The following NUMA1 variants were observed in gnomAD, a reference collection of about 807,000 sequenced individuals.
The protein encoded by NUMA1 is SP-H antigen.
A neutral mutation model predicts 237.1 loss-of-function variants in NUMA1; 62 were observed. The ratio of observed to expected loss-of-function variants is 0.26; its 90% confidence interval spans 0.21 to 0.32. The LOEUF is 0.32. Among genes scored for constraint, NUMA1 ranks in the 10% least tolerant of loss-of-function variants. The probability of loss-of-function intolerance (pLI) is 1.00; values close to 1 mark genes in which losing one functional copy is unlikely to be tolerated. For synonymous variants in NUMA1, 1,028 were observed against 1,066.1 expected, an observed-to-expected ratio of 0.96 and a Z score of 0.70; for missense variants, 2,533 against 2,666.5, an observed-to-expected ratio of 0.95 and a Z score of 1.10.
intron 4 of NUMA1, among the ~76,000 whole-genome samples, chr11:72,025,675 G>C (rs1590957665): frequency 6.6e-6 from 1 of 152,214 alleles, no homozygotes; most frequent in South Asian, 2.1e-4. Context: ...GGCAGGCCCA[G>C]AACCTTCCAA....
At chr11:72,017,598 C>A in intron 13 of NUMA1, 89 bp downstream of exon 13, 1 of 1,512,866 alleles carries the variant, frequency 6.6e-7, no homozygotes, top group Non-Finnish European at 9.1e-7. Flanking sequence ...CAACTTAATA[C>A]CCAAAGGCCC....
At chr11:72,023,219 A>G in intron 5 of NUMA1, 72 bp from the exon 6 acceptor site, 1 of 1,124,332 alleles carries the variant, frequency 8.9e-7, no homozygotes, top group Non-Finnish European at 1.3e-6. Flanking sequence ...GAACACTGAA[A>G]TCTGGGGAGC....
At chr11:72,038,769 G>C (rs888931536) in intron 2 of NUMA1, among the ~76,000 whole-genome samples, 6 of 152,012 alleles carry the variant, frequency 3.9e-5, no homozygotes, top group African/African-American at 1.5e-4. Context: ...ACCCCAGCTG[G>C]ATCAGGCACC....
intron 2 of NUMA1, among the ~76,000 whole-genome samples, chr11:72,048,211 C>T (rs1942112503): frequency 2.0e-5 from 3 of 152,144 alleles, no homozygotes; most frequent in South Asian, 2.1e-4. Context: ...ATTCTTGTAC[C>T]TCAGCCTCCC....
intron 9 of NUMA1, 138 bp from the exon 10 acceptor site, chr11:72,019,118 G>A: frequency 1.2e-6 from 1 of 866,460 alleles, no homozygotes; most frequent in Non-Finnish European, 1.8e-6. Flanking sequence ...GTTGTTTGCA[G>A]TGCTACCTCA....
chr11:72,072,265 C>G (rs1943485723), intron 1 of NUMA1: 1 of 154,542 alleles, frequency 6.5e-6, no homozygotes, highest in Non-Finnish European at 1.5e-5. Flanking sequence ...CTCAGAGGAC[C>G]AAGAGTTGAG....
intron 2 of NUMA1, among the ~76,000 whole-genome samples, chr11:72,056,635 T>TAAAAAAAAAAAAAAAAAAAAAA (rs59248999): frequency 2.6e-5 from 2 of 76,010 alleles, no homozygotes; most frequent in Non-Finnish European, 4.7e-5. Context: ...CCCATCTCTT[T>TAAAAAAAAAAAAAAAAAAAAAA]AAAAAAAAAA....
chr11:72,004,848 A>C lies in NUMA1; in HGVS notation c.5830-32T>G, dbSNP rs768447015. On this transcript the variant is annotated intron_variant, in intron 23 of 26. Coordinates refer to ENST00000393695, the MANE Select transcript of NUMA1 (RefSeq NM_006185.4). Reference sequence around the variant, plus strand: ...GGGTGGAAGAGGTGGTCAGTGGACCATAGCTGTATGGAGATGGAGGAGGAC... The same window carrying C: ...GGGTGGAAGAGGTGGTCAGTGGACCCTAGCTGTATGGAGATGGAGGAGGAC... 3 of 1,534,440 alleles carry C rather than the reference A, an allele frequency of 2.0e-6. No homozygotes were observed. The African/African-American group carries it at 4.2e-5, about 21-fold the overall frequency.
intron 2 of NUMA1, among the ~76,000 whole-genome samples, chr11:72,057,031 A>G (rs1463817756): frequency 6.6e-6 from 1 of 152,184 alleles, no homozygotes; most frequent in African/African-American, 2.4e-5. Flanking sequence ...GATACTATCA[A>G]TTGTAAAATA....
At chr11:72,057,743 C>CA (rs541465932) in intron 2 of NUMA1, among the ~76,000 whole-genome samples, 27 of 128,826 alleles carry the variant, frequency 2.1e-4, no homozygotes, top group East Asian at 9.3e-4. Flanking sequence ...GACACCGTCT[C>CA]AAAAAAAAAC....
Position 72,015,429 on chromosome 11 carries a change from T to A in NUMA1, c.2074A>T (p.Arg692Trp), listed in dbSNP as rs750142039. 1.4e-5 allele frequency: 23 copies of A among 1,611,840 alleles called. No individual in the cohort carries two copies. Among genetic ancestry groups the A allele is most frequent in the Middle Eastern group, 1.6e-4 (1 of 6,084 alleles). The change falls in exon 15 of 27, where the codon AGG becomes TGG. Residue 692 changes from arginine to tryptophan, a missense_variant. Transcript: ENST00000393695. This position sits in a 1 kb window ranked among gnomAD's most constrained non-coding sequence, Gnocchi z 4.0. ...AGCTGGTCCTTCTCCTGGGCCACCC[T>A]TTCTTTCTCAGTTGCTTTTTGCTGC... ...SEQQKATEKE[R>W]VAQEKDQLQE...
At chr11:72,038,799 C>T (rs1449592642) in intron 2 of NUMA1, among the ~76,000 whole-genome samples, 1 of 152,008 alleles carries the variant, frequency 6.6e-6, no homozygotes, top group South Asian at 2.1e-4. Context: ...CCCCACAACC[C>T]TCACTCAATA....
At chr11:72,011,134 C>T (rs1431354034) in intron 16 of NUMA1, among the ~76,000 whole-genome samples, 5 of 152,210 alleles carry the variant, frequency 3.3e-5, no homozygotes, top group Non-Finnish European at 7.3e-5. Context: ...CCCGTCACCT[C>T]CAAAATCAGG....
At chr11:72,050,727 G>A (rs1942289128) in intron 2 of NUMA1, 1 of 152,160 alleles carries the variant, frequency 6.6e-6, no homozygotes, top group South Asian at 2.1e-4. Context: ...TAAATCCAGT[G>A]CTCTCTCCAG....
chr11:72,037,912 G>C (rs566729043), intron 2 of NUMA1, among the ~76,000 whole-genome samples: 2 of 152,168 alleles, frequency 1.3e-5, no homozygotes, highest in Non-Finnish European at 2.9e-5. Context: ...TTGAGGCCAG[G>C]CATGGATGGA....
At chr11:72,024,872 G>C in intron 4 of NUMA1, 1 of 157,212 alleles carries the variant, frequency 6.4e-6, no homozygotes, top group Non-Finnish European at 1.4e-5. Flanking sequence ...CCTCCCAGAG[G>C]AGGATCCCAG....
intron 16 of NUMA1, among the ~76,000 whole-genome samples, chr11:72,011,362 T>C (rs1956150007): frequency 1.3e-5 from 2 of 152,232 alleles, no homozygotes; most frequent in Admixed American, 1.3e-4. Context: ...GCATGGCTGC[T>C]GTGGTTAGCA....
Position 72,016,503 on chromosome 11 carries a change from G to A in NUMA1, c.1147C>T (p.Leu383Phe), listed in dbSNP as rs1233807078. 6.2e-7 allele frequency: 1 copy of A among 1,613,906 alleles called. No homozygotes were observed. The highest frequency in any genetic ancestry group is 1.3e-5 in the African/African-American group (1 of 74,906). ...KKCLEEKNEI[L>F]QGKLSQLEEH... ...TCCAGCTGTGAAAGTTTTCCCTGAA[G>A]GATTTCGTTCTTCTCTTCAAGGCAT... The change falls in exon 14 of 27, where the codon CTT becomes TTT. Residue 383 changes from leucine to phenylalanine, a missense_variant. Transcript: ENST00000393695.
At chr11:72,023,491 A>G (rs78057643) in intron 5 of NUMA1, among the ~76,000 whole-genome samples, 1,899 of 152,320 alleles carry the variant, frequency 0.012, 15 homozygotes, top group South Asian at 0.031. Flanking sequence ...TCCTGTTCCA[A>G]CTGAGGTCAC....
Sources: gnomAD v4.1 joint callset for allele counts (sites outside exome capture counted in the v4.1 genomes callset) on GRCh38, gnomAD v4.1.1 for gene constraint, Gnocchi (gnomAD v3.1) non-coding constraint, MANE v1.5 for transcripts, NCBI Gene and HGNC (gene_info 2026-07-23, HGNC 2026-07-21) for gene names.